Variants in SGMS1 observed in about 807,000 individuals in gnomAD.
The protein encoded by SGMS1 is sphingomyelin synthase 1, also known as phosphatidylcholine:ceramide cholinephosphotransferase 1.
A neutral mutation model predicts 46.2 loss-of-function variants in SGMS1; 13 were observed. That is an observed-to-expected ratio of 0.28 (90% CI 0.18 to 0.45). SGMS1 has a LOEUF of 0.45. Among genes scored for constraint, SGMS1 ranks in the 20% least tolerant of loss-of-function variants. SGMS1 has a pLI of 1.00. For synonymous variants in SGMS1, 203 were observed against 187.8 expected (o/e 1.08, Z -0.66); for missense variants, 324 against 519.9 (o/e 0.62, Z 3.66).
chr10:50,586,598 A>G (rs1387602122), intron 2 of SGMS1, among the ~76,000 whole-genome samples: 1 of 152,252 alleles, frequency 6.6e-6, no homozygotes, highest in Non-Finnish European at 1.5e-5. Context: ...CTGTAGAGAA[A>G]GTAATAATGG....
chr10:50,605,429 G>C (rs1411312945), intron 1 of SGMS1, among the ~76,000 whole-genome samples: 34 of 152,182 alleles, frequency 2.2e-4, no homozygotes, highest in Non-Finnish European at 4.4e-4. Flanking sequence ...GTGAACTAAG[G>C]AACCAAACAC....
chr10:50,359,098 C>T (rs1848204654), intron 6 of SGMS1, among the ~76,000 whole-genome samples: 1 of 152,154 alleles, frequency 6.6e-6, no homozygotes, highest in Admixed American at 6.5e-5. Flanking sequence ...TATGAAATGG[C>T]CCCTTGAACT....
intron 2 of SGMS1, among the ~76,000 whole-genome samples, chr10:50,529,959 T>C (rs1487621781): frequency 6.6e-6 from 1 of 152,204 alleles, no homozygotes; most frequent in Non-Finnish European, 1.5e-5. Flanking sequence ...CAATATTCTT[T>C]GCAATTTCCT....
chr10:50,504,455 AATTTT>A (rs781594942), intron 3 of SGMS1, among the ~76,000 whole-genome samples: 11 of 152,228 alleles, frequency 7.2e-5, no homozygotes, highest in Admixed American at 6.5e-4. Flanking sequence ...ACAATAAATG[AATTTT>A]ATTTTATCTT....
intron 2 of SGMS1, among the ~76,000 whole-genome samples, chr10:50,574,788 T>C (rs1196500876): frequency 2.6e-5 from 4 of 152,008 alleles, no homozygotes; most frequent in Non-Finnish European, 5.9e-5. Context: ...CGTAGGAAGA[T>C]GTTGAATGTT....
intron 6 of SGMS1, among the ~76,000 whole-genome samples, chr10:50,360,300 T>A (rs1197974268): frequency 6.6e-6 from 1 of 152,190 alleles, no homozygotes; most frequent in Non-Finnish European, 1.5e-5. Context: ...ATATTTCCCA[T>A]CATTCCAGAG....
intron 7 of SGMS1, among the ~76,000 whole-genome samples, chr10:50,341,872 G>T (rs923170747): frequency 3.3e-5 from 5 of 152,162 alleles, no homozygotes; most frequent in Non-Finnish European, 7.4e-5. Context: ...TATACTTTAA[G>T]AAAATTAGTT....
chr10:50,317,693 C>A (rs912923188), intron 8 of SGMS1, among the ~76,000 whole-genome samples: 1 of 152,138 alleles, frequency 6.6e-6, no homozygotes, highest in East Asian at 1.9e-4. Flanking sequence ...TTTATTAATA[C>A]ACGATTGAAT....
At chr10:50,562,836 G>A (rs1257178584) in intron 2 of SGMS1, among the ~76,000 whole-genome samples, 2 of 152,124 alleles carry the variant, frequency 1.3e-5, no homozygotes, top group Admixed American at 6.5e-5. Flanking sequence ...GAGCCACCGC[G>A]CCCGGCCGTC....
chr10:50,590,974 C>T (rs1038447735), intron 1 of SGMS1, among the ~76,000 whole-genome samples: 2 of 151,686 alleles, frequency 1.3e-5, no homozygotes, highest in African/African-American at 4.9e-5. Context: ...AAGGCATCCA[C>T]GTACCCACCT....
At chr10:50,380,715 C>T (rs1413762594) in intron 6 of SGMS1, among the ~76,000 whole-genome samples, 1 of 152,162 alleles carries the variant, frequency 6.6e-6, no homozygotes, top group Non-Finnish European at 1.5e-5. Context: ...AATTTGCTAC[C>T]TCTTCATACC....
At chr10:50,383,720 C>T (rs1848641773) in intron 6 of SGMS1, among the ~76,000 whole-genome samples, 2 of 152,098 alleles carry the variant, frequency 1.3e-5, no homozygotes, top group Non-Finnish European at 1.5e-5. Flanking sequence ...TTTACACACA[C>T]ACATATAATC....
At chr10:50,585,012 C>T (rs182297834) in intron 2 of SGMS1, among the ~76,000 whole-genome samples, 7 of 152,270 alleles carry the variant, frequency 4.6e-5, no homozygotes, top group African/African-American at 1.4e-4. Flanking sequence ...TATACAAGCA[C>T]ATATGAAAAT....
At chr10:50,591,004 T>G (rs1838535361) in intron 1 of SGMS1, among the ~76,000 whole-genome samples, 1 of 152,152 alleles carries the variant, frequency 6.6e-6, no homozygotes, top group African/African-American at 2.4e-5. Flanking sequence ...CAGGAATTGC[T>G]GAACCTCCTC....
At chr10:50,587,588 C>T (rs548502212) in intron 2 of SGMS1, among the ~76,000 whole-genome samples, 2 of 151,792 alleles carry the variant, frequency 1.3e-5, no homozygotes, top group East Asian at 3.9e-4. Context: ...CGTGCCACTG[C>T]ACTCCAGCCT....
chr10:50,436,653 C>T (rs1466252478), intron 5 of SGMS1, among the ~76,000 whole-genome samples: 1 of 152,170 alleles, frequency 6.6e-6, no homozygotes, highest in Non-Finnish European at 1.5e-5. Context: ...AAACCTGGCT[C>T]CTTTTCTGAA....
At chr10:50,396,844 G>A (rs190120693) in intron 6 of SGMS1, among the ~76,000 whole-genome samples, 57 of 152,108 alleles carry the variant, frequency 3.7e-4, no homozygotes, top group African/African-American at 1.3e-3. Flanking sequence ...AAGTAGCTAG[G>A]TCCCCTCCCC....
At chr10:50,425,092 A>G (rs775705561) in intron 6 of SGMS1, among the ~76,000 whole-genome samples, 7 of 152,198 alleles carry the variant, frequency 4.6e-5, no homozygotes, top group Non-Finnish European at 1.0e-4. Context: ...CTAAAAAGTC[A>G]AAAAATAATG....
At chr10:50,532,150 G>C (rs555863169) in intron 2 of SGMS1, among the ~76,000 whole-genome samples, 78 of 151,786 alleles carry the variant, frequency 5.1e-4, no homozygotes, top group Middle Eastern at 3.4e-3. Flanking sequence ...CAGGTACTCT[G>C]GTTTCTTATT....
Sources: gnomAD v4.1 joint callset for allele counts (sites outside exome capture counted in the v4.1 genomes callset) on GRCh38, gnomAD v4.1.1 for gene constraint, MANE v1.5 for transcripts, NCBI Gene and HGNC (gene_info 2026-07-23, HGNC 2026-07-21) for gene names.